RGS22: variants seen among roughly 807,000 people sequenced by gnomAD.
RGS22 encodes the protein regulator of G-protein signaling 22.
Under a neutral mutation model 172.9 loss-of-function variants are expected in RGS22, and 148 were observed. That is an observed-to-expected ratio of 0.86 (90% CI 0.75 to 0.98). The LOEUF (loss-of-function observed/expected upper bound fraction) is 0.98, where lower values mean the gene tolerates loss of function less well. Ranked by LOEUF, RGS22 falls within the 50% of genes least tolerant of loss-of-function variation. The pLI, the probability that RGS22 is intolerant of heterozygous loss-of-function variation, is 0.00. For missense variants in RGS22, 1,347 were observed against 1,440.8 expected (o/e 0.93, Z 1.05); for synonymous variants, 458 against 480.2 (o/e 0.95, Z 0.60).
At chr8:100,074,760 G>GT (rs1276758237) in intron 4 of RGS22, among the ~76,000 whole-genome samples, 1 of 149,794 alleles carries the variant, frequency 6.7e-6, no homozygotes, top group Non-Finnish European at 1.5e-5. Flanking sequence ...TTTTTTTTTT[G>GT]TTTTTTGTTT....
intron 2 of RGS22, among the ~76,000 whole-genome samples, chr8:100,104,509 T>G (rs1427292318): frequency 6.6e-6 from 1 of 150,784 alleles, no homozygotes; most frequent in Non-Finnish European, 1.5e-5. Flanking sequence ...CTCCCAGCAA[T>G]GGACCAGAGC....
In RGS22 at chr8:99,962,679, A is replaced by C. The variant is rs1810333438; in HGVS notation, c.3790+8T>G. ...AACAACTGAAGATAGACTACACTGGAAACTCACTCTGGCTGCTGTGGGCAG... is the reference window on the plus strand; with the variant it reads ...AACAACTGAAGATAGACTACACTGGCAACTCACTCTGGCTGCTGTGGGCAG... On this transcript the variant is annotated splice_region_variant and intron_variant, in intron 26 of 27. Coordinates refer to ENST00000360863, the MANE Select transcript of RGS22 (RefSeq NM_015668.5). The C allele has an allele frequency of 6.3e-7, 1 of 1,594,344 alleles. No individual in the cohort carries two copies. The highest frequency in any genetic ancestry group is 8.5e-7 in the Non-Finnish European group (1 of 1,173,514).
intron 6 of RGS22, among the ~76,000 whole-genome samples, chr8:100,067,870 G>A (rs540973394): frequency 1.3e-5 from 2 of 151,784 alleles, no homozygotes; most frequent in East Asian, 1.9e-4. Flanking sequence ...TGATCCGCCC[G>A]CCTCAGCCTC....
chr8:99,993,524 A>G (rs913146339), intron 20 of RGS22, among the ~76,000 whole-genome samples: 4 of 152,220 alleles, frequency 2.6e-5, no homozygotes, highest in East Asian at 1.9e-4. Flanking sequence ...GAAGAAATGA[A>G]TAAGTTCCTG....
chr8:100,000,461 G>A (rs1256128358), intron 18 of RGS22, among the ~76,000 whole-genome samples: 1 of 152,044 alleles, frequency 6.6e-6, no homozygotes, highest in African/African-American at 2.4e-5. Context: ...GGACTAGCAC[G>A]ATCTTTATAA....
chr8:100,084,485 T>G (rs1439436695), intron 3 of RGS22, among the ~76,000 whole-genome samples: 1 of 152,204 alleles, frequency 6.6e-6, no homozygotes, highest in Non-Finnish European at 1.5e-5. Flanking sequence ...TAAAATGGCA[T>G]GCAATGTTTC....
At chr8:99,984,222 C>T (rs888852246) in intron 21 of RGS22, among the ~76,000 whole-genome samples, 13 of 151,924 alleles carry the variant, frequency 8.6e-5, no homozygotes, top group African/African-American at 2.2e-4. Flanking sequence ...GGGAGGTTGA[C>T]GCTGCAGTGG....
intron 4 of RGS22, among the ~76,000 whole-genome samples, chr8:100,073,341 T>A (rs1811117104): frequency 6.6e-6 from 1 of 152,038 alleles, no homozygotes; most frequent in Non-Finnish European, 1.5e-5. Context: ...GGGTGATGTG[T>A]GCTCATCATT....
intron 3 of RGS22, among the ~76,000 whole-genome samples, chr8:100,090,052 C>T (rs560459420): frequency 8.5e-5 from 13 of 152,270 alleles, no homozygotes; most frequent in African/African-American, 2.4e-4. Context: ...ATCCACCAAT[C>T]CCATTAAACA....
intron 2 of RGS22, among the ~76,000 whole-genome samples, chr8:100,098,866 ATTTTATTTT>A (rs1813217374): frequency 1.9e-4 from 1 of 5,156 alleles, no homozygotes; most frequent in Non-Finnish European, 4.7e-4. Flanking sequence ...TATTTTATTT[ATTTTATTTT>A]ATTTTATTTT....
intron 10 of RGS22, among the ~76,000 whole-genome samples, chr8:100,048,014 T>C (rs1820912225): frequency 6.6e-6 from 1 of 151,974 alleles, no homozygotes; most frequent in Non-Finnish European, 1.5e-5. Flanking sequence ...GAAACAAAGA[T>C]ACCCTTGGTC....
chr8:100,039,193 A>G (rs1037239654), intron 13 of RGS22, among the ~76,000 whole-genome samples, 161 bp from the exon 14 acceptor site: 1 of 152,194 alleles, frequency 6.6e-6, no homozygotes, highest in Non-Finnish European at 1.5e-5. Flanking sequence ...GGCAATACAC[A>G]AAATATTTAT....
intron 14 of RGS22, among the ~76,000 whole-genome samples, chr8:100,022,750 T>A (rs57351533): frequency 0.096 from 14,495 of 151,474 alleles, 1,064 homozygotes; most frequent in African/African-American, 0.21. Context: ...TTAATTAATT[T>A]ATTTATTTAT....
intron 11 of RGS22, among the ~76,000 whole-genome samples, 161 bp downstream of exon 11, chr8:100,047,302 A>G (rs531817330): frequency 1.3e-5 from 2 of 152,340 alleles, no homozygotes; most frequent in South Asian, 4.1e-4. Flanking sequence ...CCTAATTTAG[A>G]GTATTCATGC....
chr8:100,090,441 A>C (rs1455447842), intron 3 of RGS22, among the ~76,000 whole-genome samples: 1 of 152,152 alleles, frequency 6.6e-6, no homozygotes, highest in Non-Finnish European at 1.5e-5. Context: ...AGGTAGAAAG[A>C]TTAAGTTGAA....
intron 12 of RGS22, among the ~76,000 whole-genome samples, chr8:100,041,489 C>CAA (rs34208055): frequency 0.019 from 2,729 of 142,296 alleles, 67 homozygotes; most frequent in East Asian, 0.11. Context: ...GACTCTATCT[C>CAA]AAAAAAAAAA....
chr8:100,105,189 C>T (rs1813828234), intron 2 of RGS22, among the ~76,000 whole-genome samples, 185 bp downstream of exon 2: 1 of 152,060 alleles, frequency 6.6e-6, no homozygotes, highest in Non-Finnish European at 1.5e-5. Context: ...TTAATTGGCC[C>T]CTTCTTAAAA....
intron 14 of RGS22, among the ~76,000 whole-genome samples, chr8:100,025,423 T>G (rs898290419): frequency 6.6e-6 from 1 of 152,248 alleles, no homozygotes; most frequent in African/African-American, 2.4e-5. Flanking sequence ...AAGAGGTACC[T>G]GATTTTCCAC....
intron 19 of RGS22, among the ~76,000 whole-genome samples, chr8:99,998,567 A>G (rs1267431450): frequency 6.6e-6 from 1 of 152,202 alleles, no homozygotes; most frequent in East Asian, 1.9e-4. Context: ...GGACACTGAG[A>G]CAACAGGGTG....
Sources: allele counts gnomAD v4.1 joint callset (sites outside exome capture counted in the v4.1 genomes callset), GRCh38; gene constraint gnomAD v4.1.1; transcripts MANE v1.5; gene names NCBI Gene and HGNC (gene_info 2026-07-23, HGNC 2026-07-21).